The following CAMTA1 variants were observed in gnomAD, a reference collection of about 807,000 sequenced individuals.
CAMTA1 encodes the protein calmodulin binding transcription activator 1.
A neutral mutation model predicts 170.9 loss-of-function variants in CAMTA1; 27 were observed. That is an observed-to-expected ratio of 0.16 (90% CI 0.12 to 0.22). The LOEUF (loss-of-function observed/expected upper bound fraction) is 0.22, where lower values mean the gene tolerates loss of function less well. CAMTA1 is among the 10% of genes least tolerant of loss of function. The pLI is 1.00. For missense variants in CAMTA1, 1,619 were observed against 2,217.2 expected, an observed-to-expected ratio of 0.73 and a Z score of 5.42; for synonymous variants, 833 against 891.5, an observed-to-expected ratio of 0.93 and a Z score of 1.17.
At chr1:7,630,515 A>G (rs577012302) in intron 6 of CAMTA1, among the ~76,000 whole-genome samples, 2 of 152,342 alleles carry the variant, frequency 1.3e-5, no homozygotes, top group East Asian at 3.9e-4. Flanking sequence ...TGACTGGAAA[A>G]TTCTGGTAAT....
chr1:7,598,568 C>T lies in CAMTA1; in HGVS notation c.511-41832C>T, dbSNP rs1213983192. On this transcript the variant is annotated intron_variant, in intron 6 of 22. Coordinates refer to ENST00000303635, the MANE Select transcript of CAMTA1 (RefSeq NM_015215.4). ...GTCCCACCAACAGTGTAAAAGTGTT[C>T]CTATTTCTCCACATCCTCTCCAGCA... Among the ~76,000 whole-genome samples, 3 of 152,248 alleles carry T rather than the reference C, an allele frequency of 2.0e-5. No individual in the cohort carries two copies. The East Asian group carries it at 5.8e-4, about 29-fold the overall frequency.
At chr1:6,877,060 C>G (rs992295509) in intron 3 of CAMTA1, among the ~76,000 whole-genome samples, 2 of 152,204 alleles carry the variant, frequency 1.3e-5, no homozygotes, top group Non-Finnish European at 2.9e-5. Flanking sequence ...GGACTTGCCT[C>G]CTCCTCCTCT....
chr1:7,368,281 A>G (rs1302477594), intron 5 of CAMTA1, among the ~76,000 whole-genome samples: 1 of 149,776 alleles, frequency 6.7e-6, no homozygotes, highest in Admixed American at 6.6e-5. Flanking sequence ...TCATGGTTTC[A>G]CTGGGCACAG....
intron 3 of CAMTA1, among the ~76,000 whole-genome samples, chr1:6,838,937 T>G (rs544402919): frequency 3.9e-5 from 6 of 152,238 alleles, no homozygotes; most frequent in Non-Finnish European, 8.8e-5. Flanking sequence ...TTTTATTTTT[T>G]GTGGAGACAG....
chr1:7,448,502 G>A (rs543699969), intron 5 of CAMTA1, among the ~76,000 whole-genome samples: 1 of 152,344 alleles, frequency 6.6e-6, no homozygotes, highest in African/African-American at 2.4e-5. Flanking sequence ...CTCCTTGTGG[G>A]TGGGGGACAG....
intron 5 of CAMTA1, among the ~76,000 whole-genome samples, chr1:7,411,212 C>T (rs369977137): frequency 2.1e-4 from 32 of 152,270 alleles, no homozygotes; most frequent in African/African-American, 7.0e-4. Flanking sequence ...GGGGCCGCGT[C>T]GGACCCTGGG....
chr1:7,690,189 G>C (rs2096295306), intron 11 of CAMTA1, among the ~76,000 whole-genome samples: 1 of 152,188 alleles, frequency 6.6e-6, no homozygotes, highest in Admixed American at 6.5e-5. Flanking sequence ...AGCCAGCTGG[G>C]AGCCCTGGGC....
At chr1:6,937,786 C>CCAT (rs1222084140) in intron 3 of CAMTA1, among the ~76,000 whole-genome samples, 24 of 100,478 alleles carry the variant, frequency 2.4e-4, no homozygotes, top group African/African-American at 7.6e-4. Flanking sequence ...CCACTTACCA[C>CCAT]CACCATCACC....
chr1:7,534,413 G>T lies in CAMTA1; in HGVS notation c.510+66512G>T, dbSNP rs1004944423. On this transcript the variant is annotated intron_variant, in intron 6 of 22. Coordinates refer to ENST00000303635, the MANE Select transcript of CAMTA1 (RefSeq NM_015215.4). The surrounding 1 kb of genome is among the most constrained non-coding windows in gnomAD (Gnocchi z 5.6). ...GAGAGCTTGCTGCAGACCCGGGGAG[G>T]AGAAGCCACTGTGGATGGAGTGTTA... is the stretch of plus-strand genomic sequence containing the variant. 6.6e-6 allele frequency among the ~76,000 whole-genome samples: 1 copy of T among 152,216 alleles called. No homozygotes were observed. Among genetic ancestry groups the T allele is most frequent in the Admixed American group, 6.5e-5 (1 of 15,276 alleles).
intron 6 of CAMTA1, among the ~76,000 whole-genome samples, chr1:7,525,501 T>A (rs1445443812): frequency 2.0e-5 from 3 of 152,044 alleles, no homozygotes; most frequent in East Asian, 1.9e-4. Context: ...TTCAATAATA[T>A]TATTATTATC....
chr1:7,301,763 T>C (rs1674801726), intron 5 of CAMTA1, among the ~76,000 whole-genome samples: 1 of 152,178 alleles, frequency 6.6e-6, no homozygotes, highest in African/African-American at 2.4e-5. Context: ...CTTTTCTCTC[T>C]AGCCCACTTC....
chr1:7,336,928 T>C (rs2083421001), intron 5 of CAMTA1, among the ~76,000 whole-genome samples: 2 of 152,348 alleles, frequency 1.3e-5, no homozygotes, highest in East Asian at 1.9e-4. Context: ...CCCCTCCCTA[T>C]CTTCCTCTGG....
chr1:7,289,989 T>C (rs915382886), intron 5 of CAMTA1, among the ~76,000 whole-genome samples: 1 of 152,244 alleles, frequency 6.6e-6, no homozygotes, highest in Non-Finnish European at 1.5e-5. Flanking sequence ...ACCAACACCT[T>C]GATCTTAGAC....
chr1:7,639,260 T>C (rs926901692), intron 6 of CAMTA1, among the ~76,000 whole-genome samples: 9 of 152,110 alleles, frequency 5.9e-5, no homozygotes, highest in Admixed American at 5.2e-4. Context: ...ATTACAGGCA[T>C]AAGCCACCAC....
At chr1:7,279,458 G>T (rs1671198409) in intron 5 of CAMTA1, among the ~76,000 whole-genome samples, 1 of 152,168 alleles carries the variant, frequency 6.6e-6, no homozygotes, top group Non-Finnish European at 1.5e-5. Flanking sequence ...AGGGAAGCCA[G>T]GGGACCGGCA....
intron 2 of CAMTA1, among the ~76,000 whole-genome samples, chr1:6,824,238 G>C (rs1415469926): frequency 6.6e-6 from 1 of 152,126 alleles, no homozygotes; most frequent in Non-Finnish European, 1.5e-5. Context: ...ACCTAAATGT[G>C]CCAAAGCTTG....
rs955295073 is a variant in CAMTA1, at chr1:7,738,998, C to T, written c.4182+516C>T. On this transcript the variant is annotated intron_variant, in intron 16 of 22. Coordinates refer to ENST00000303635, the MANE Select transcript of CAMTA1 (RefSeq NM_015215.4). The surrounding 1 kb of genome is among the most constrained non-coding windows in gnomAD (Gnocchi z 4.9). ...TATTCCTGAAGCTGATAATTGATTGCCCTTATAATAAATCTAAAAATTCCA... is the reference window on the plus strand; with the variant it reads ...TATTCCTGAAGCTGATAATTGATTGTCCTTATAATAAATCTAAAAATTCCA... Among the ~76,000 whole-genome samples the T allele has an allele frequency of 2.0e-5, 3 of 152,090 alleles. No homozygotes were observed. Among genetic ancestry groups the T allele is most frequent in the African/African-American group, 7.2e-5 (3 of 41,408 alleles).
intron 6 of CAMTA1, among the ~76,000 whole-genome samples, chr1:7,610,340 C>A (rs72630512): frequency 4.6e-5 from 7 of 152,088 alleles, no homozygotes; most frequent in Admixed American, 2.0e-4. Context: ...ATCACCAGGA[C>A]CTGCCTGGCT....
intron 3 of CAMTA1, among the ~76,000 whole-genome samples, chr1:7,061,713 G>GGGGGT (rs1708238199): frequency 6.7e-6 from 1 of 149,462 alleles, no homozygotes. Flanking sequence ...CGGCAGAGGA[G>GGGGGT]GGGGTGGGGT....
Sources: gnomAD v4.1 joint callset for allele counts (sites outside exome capture counted in the v4.1 genomes callset) on GRCh38, gnomAD v4.1.1 for gene constraint, Gnocchi (gnomAD v3.1) non-coding constraint, MANE v1.5 for transcripts, NCBI Gene and HGNC (gene_info 2026-07-23, HGNC 2026-07-21) for gene names.